The following EQTN variants were observed in gnomAD, a reference collection of about 807,000 sequenced individuals.
EQTN encodes Acrosome formation associated factor.
A neutral mutation model predicts 26.9 loss-of-function variants in EQTN; 29 were observed. That is an observed-to-expected ratio of 1.08 (90% CI 0.80 to 1.47). EQTN has a LOEUF of 1.47. Among genes scored for constraint, EQTN ranks in the 40% most tolerant of loss-of-function variants. The pLI is 0.00. For synonymous variants in EQTN, 129 were observed against 120.0 expected (o/e 1.07, Z -0.49); for missense variants, 391 against 346.1 (o/e 1.13, Z -1.03).
chr9:27,291,116 C>A, intron 4 of EQTN, 53 bp from the exon 5 acceptor site: 1 of 1,494,722 alleles, frequency 6.7e-7, no homozygotes, highest in Non-Finnish European at 9.1e-7. Flanking sequence ...AACAGGATAA[C>A]AAAATAATTT....
In EQTN at chr9:27,295,041, A is replaced by G. The variant is rs1203052968; in HGVS notation, c.203-639T>C. 2.6e-5 allele frequency among the ~76,000 whole-genome samples: 4 copies of G among 152,324 alleles called. No individual in the cohort carries two copies. In the East Asian group the frequency reaches 5.8e-4, roughly 22 times the overall value. ...CATAAGATGATACAAAATTCTATAC[A>G]CACACGAATGTATGTGTATTTAATA... On this transcript the variant is annotated intron_variant, in intron 2 of 7. Transcript: ENST00000380032.
chr9:27,287,927 C>T (rs1350118284), intron 6 of EQTN, among the ~76,000 whole-genome samples: 1 of 152,208 alleles, frequency 6.6e-6, no homozygotes, highest in Admixed American at 6.5e-5. Context: ...CCTCAGCCTC[C>T]TGAGTAGCTG....
At chr9:27,289,354 C>T (rs748558534) in intron 6 of EQTN, among the ~76,000 whole-genome samples, 13 of 152,108 alleles carry the variant, frequency 8.5e-5, no homozygotes, top group East Asian at 1.9e-4. Flanking sequence ...ACCTTTCATA[C>T]GCCAGACTTC....
intron 6 of EQTN, among the ~76,000 whole-genome samples, chr9:27,287,418 T>A (rs1333819002): frequency 6.6e-6 from 1 of 152,332 alleles, no homozygotes; most frequent in East Asian, 1.9e-4. Flanking sequence ...GAAAGGGTTT[T>A]TAATAAAGAT....
At chr9:27,294,272 C>A in intron 3 of EQTN, 44 bp downstream of exon 3, 1 of 1,394,432 alleles carries the variant, frequency 7.2e-7, no homozygotes, top group Non-Finnish European at 1.0e-6. Flanking sequence ...TGAAATCCTG[C>A]TTTAATGGCT....
In EQTN at chr9:27,296,107, C is replaced by G. The variant is rs1820337173; in HGVS notation, c.202+506G>C. The stretch of plus-strand genomic sequence containing the variant: ...CTTGAGCCCAGGAGTTGGAGACCAG[C>G]CTGGGCAACATGATGAAACACCGTT... On this transcript the variant is annotated intron_variant, in intron 2 of 7. Coordinates refer to ENST00000380032, the MANE Select transcript of EQTN (RefSeq NM_020641.3). Among the ~76,000 whole-genome samples, 6 of 152,176 alleles carry G rather than the reference C, an allele frequency of 3.9e-5. No homozygotes were observed. The South Asian group carries it at 1.2e-3, about 32-fold the overall frequency.
intron 2 of EQTN, among the ~76,000 whole-genome samples, chr9:27,294,673 A>C (rs1045744985): frequency 6.6e-6 from 1 of 152,214 alleles, no homozygotes; most frequent in Non-Finnish European, 1.5e-5. Flanking sequence ...ATATGTAAGC[A>C]CATAACAGGT....
At position 27,294,131 on chromosome 9, in the gene EQTN, G is replaced by A. The variant is rs184236436; in HGVS notation, c.289+185C>T. On this transcript the variant is annotated intron_variant, in intron 3 of 7. Transcript: ENST00000380032. Reference sequence around the variant, plus strand: ...CAGGTGTATTTGTGTGGGAGGAAGTGTGAGAAAAGCAGAGAGGATGGCCAA... The same window carrying A: ...CAGGTGTATTTGTGTGGGAGGAAGTATGAGAAAAGCAGAGAGGATGGCCAA... Among the ~76,000 whole-genome samples, 661 of 152,302 alleles carry A rather than the reference G, an allele frequency of 4.3e-3. 3 individuals are homozygous for A. The highest frequency in any genetic ancestry group is 0.015 in the African/African-American group (616 of 41,574).
chr9:27,286,379 T>A lies in EQTN; in HGVS notation c.482-17A>T, dbSNP rs931766092. 1.3e-6 allele frequency: 2 copies of A among 1,572,134 alleles called. No individual in the cohort carries two copies. Among genetic ancestry groups the A allele is most frequent in the Non-Finnish European group, 1.7e-6 (2 of 1,157,314 alleles). On this transcript the variant is annotated splice_polypyrimidine_tract_variant and intron_variant, in intron 6 of 7. Transcript: ENST00000380032. ...CATCAGACTCTGAAAAGAAAGAGAA[T>A]GCAGTGGAAAATAGGGTGTTCAGTG...
chr9:27,286,716 T>C (rs1820132515), intron 6 of EQTN, among the ~76,000 whole-genome samples: 1 of 152,214 alleles, frequency 6.6e-6, no homozygotes, highest in Non-Finnish European at 1.5e-5. Context: ...TCTGATTTAA[T>C]CTACCATGTC....
At chr9:27,295,098 G>C (rs1430532320) in intron 2 of EQTN, among the ~76,000 whole-genome samples, 3 of 152,096 alleles carry the variant, frequency 2.0e-5, no homozygotes. Context: ...CTCTTTGTGA[G>C]AACAAAGAAA....
intron 6 of EQTN, among the ~76,000 whole-genome samples, chr9:27,289,173 G>GA (rs1820178129): frequency 6.6e-6 from 1 of 151,952 alleles, no homozygotes; most frequent in Non-Finnish European, 1.5e-5. Context: ...AGTCTATTTT[G>GA]AAAAAAGACT....
rs1485987046 is a variant in EQTN at position 27,291,083 on chromosome 9, C to T, written c.377-20G>A. On this transcript the variant is annotated intron_variant, in intron 4 of 7. Coordinates refer to ENST00000380032, the MANE Select transcript of EQTN (RefSeq NM_020641.3). ...TTGATCCTGTTAAAACAAAACAAAA[C>T]ACAACAAGAACAACAAGAAAACAAC... is the stretch of plus-strand genomic sequence containing the variant. 2.5e-6 allele frequency: 4 copies of T among 1,596,114 alleles called. No homozygotes were observed. Among genetic ancestry groups the T allele is most frequent in the Non-Finnish European group, 3.4e-6 (4 of 1,171,760 alleles).
intron 1 of EQTN, 116 bp downstream of exon 1, chr9:27,296,864 G>T: frequency 6.4e-7 from 1 of 1,554,710 alleles, no homozygotes; most frequent in Non-Finnish European, 8.7e-7. Context: ...ACATACCATA[G>T]CTCCAACAAT....
In EQTN at chr9:27,292,423, T is replaced by A. The variant is rs776649941; in HGVS notation, c.354A>T (p.Glu118Asp). Residue 118 changes from glutamate (E) to aspartate (D), a missense_variant, in exon 4 of 8, where the codon GAA (glutamate) becomes GAT (aspartate). Glu to Asp is a conservative substitution (Grantham distance 45). Coordinates refer to ENST00000380032, the MANE Select transcript of EQTN (RefSeq NM_020641.3). ...TACTTTGAATATTTTTATGAGAGGG[T>A]TCGCTAGTAGTTGTTTCTTCTTCAA... is the stretch of plus-strand genomic sequence containing the variant. ...STIEEETTTS[E>D]PSHKNIQRST... 1.9e-6 allele frequency: 3 copies of A among 1,606,644 alleles called. No homozygotes were observed. Among genetic ancestry groups the A allele is most frequent in the East Asian group, 4.5e-5 (2 of 44,624 alleles).
At position 27,284,759 on chromosome 9, in the gene EQTN, A is replaced by T; in HGVS notation, c.849T>A (p.Asn283Lys). The T allele has an allele frequency of 5.0e-6, 8 of 1,612,676 alleles. No homozygotes were observed. The highest frequency in any genetic ancestry group is 6.8e-6 in the Non-Finnish European group (8 of 1,178,724). ...CCGACTCATCGTTTTCATGCATCTC[A>T]TTATCTGAGCCTATGGAAATGATAT... ...MTDIISIGSD[N>K]EMHENDESVT... The change falls in exon 8 of 8, where the codon AAT (asparagine) becomes AAA (lysine). Residue 283 changes from asparagine (N) to lysine (K), a missense_variant. By Grantham distance (94) the Asn-to-Lys change is moderately conservative. Coordinates refer to ENST00000380032, the MANE Select transcript of EQTN (RefSeq NM_020641.3).
rs1820084921 is a variant in EQTN at position 27,284,883 on chromosome 9, G to A, written c.725C>T (p.Ser242Phe). The A allele has an allele frequency of 6.2e-7, 1 of 1,614,114 alleles. No individual in the cohort carries two copies. The highest frequency in any genetic ancestry group is 8.5e-7 in the Non-Finnish European group (1 of 1,180,008). The part of the protein sequence containing the change: ...FHPSEGVSDT[S>F]FSKSAESSTF... ...GCTGCTCTCTGCACTCTTGGAAAAG[G>A]ATGTATCTGAAACACCTTCTGATGG... Residue 242 changes from serine (S) to phenylalanine (F), a missense_variant, in exon 8 of 8, where the codon TCC becomes TTC. Coordinates refer to ENST00000380032, the MANE Select transcript of EQTN (RefSeq NM_020641.3).
intron 3 of EQTN, among the ~76,000 whole-genome samples, chr9:27,293,252 G>C (rs1248788360): frequency 6.6e-6 from 1 of 152,140 alleles, no homozygotes; most frequent in African/African-American, 2.4e-5. Context: ...AGTTACTGGA[G>C]TTGATAGTGA....
chr9:27,295,196 T>C (rs1221687421), intron 2 of EQTN, among the ~76,000 whole-genome samples: 1 of 152,208 alleles, frequency 6.6e-6, no homozygotes, highest in Non-Finnish European at 1.5e-5. Context: ...AGATAAATTA[T>C]GGACGACACA....
Sources: allele counts gnomAD v4.1 joint callset (sites outside exome capture counted in the v4.1 genomes callset), GRCh38; gene constraint gnomAD v4.1.1; transcripts MANE v1.5; gene names NCBI Gene and HGNC (gene_info 2026-07-23, HGNC 2026-07-21).